Variants in PARD3B observed in about 807,000 individuals in gnomAD.
The protein encoded by PARD3B is par-3 family cell polarity regulator beta, also known as partitioning defective 3 homolog B.
Under a neutral mutation model 130.2 loss-of-function variants are expected in PARD3B, and 103 were observed. That is an observed-to-expected ratio of 0.79 (90% confidence interval 0.67 to 0.93). The LOEUF is 0.93. Ranked by LOEUF, PARD3B falls within the 40% of genes least tolerant of loss-of-function variation. The pLI, the probability that PARD3B is intolerant of heterozygous loss-of-function variation, is 0.00. For missense variants in PARD3B, 1,609 were observed against 1,499.2 expected, an observed-to-expected ratio of 1.07 and a Z score of -1.21; for synonymous variants, 583 against 553.2, an observed-to-expected ratio of 1.05 and a Z score of -0.76.
rs1400529301 is a variant in PARD3B at position 204,998,358 on chromosome 2, A to ATATATGTG, written c.394+33036_394+33037insATATGTGT. 5.9e-4 allele frequency among the ~76,000 whole-genome samples: 41 copies of ATATATGTG among 69,820 alleles called. 1 individual carries two copies. Among genetic ancestry groups the ATATATGTG allele is most frequent in the East Asian group, 6.1e-4 (2 of 3,286 alleles). The allele number at this position is 69,820 out of a possible 152,430, so 45.8% of individuals were successfully genotyped here. ...TATATATATATATATATATATATAT[A>ATATATGTG]TGTGTGTGTGTGTGTGTATATATGT... On this transcript the variant is annotated intron_variant, in intron 3 of 22. Transcript: ENST00000406610.
Position 205,047,579 on chromosome 2 carries a change from A to G in PARD3B, c.395-2A>G, listed in dbSNP as rs1377659820. 5.8e-6 allele frequency: 9 copies of G among 1,546,074 alleles called. No individual in the cohort carries two copies. The highest frequency in any genetic ancestry group is 7.9e-6 in the Non-Finnish European group (9 of 1,143,768). ...CCTCTCACCTCTCACTTTGTCTTCC[A>G]GGCACTCCACTGCTGGTGAGGAGAA... On this transcript the variant is annotated splice_acceptor_variant, in intron 3 of 22. Coordinates refer to ENST00000406610, the MANE Select transcript of PARD3B (RefSeq NM_001302769.2). LOFTEE classifies it high-confidence loss of function.
At chr2:205,384,355 G>A (rs1289368322) in intron 18 of PARD3B, among the ~76,000 whole-genome samples, 6 of 152,064 alleles carry the variant, frequency 3.9e-5, no homozygotes, top group Non-Finnish European at 8.8e-5. Context: ...AGAGAAAAAG[G>A]GGAAGCACAG....
chr2:205,527,015 A>G (rs1005163132), intron 21 of PARD3B, among the ~76,000 whole-genome samples: 1 of 152,340 alleles, frequency 6.6e-6, no homozygotes, highest in African/African-American at 2.4e-5. Flanking sequence ...GACAGTGAAG[A>G]AGTCAAATGA....
chr2:205,176,690 A>G lies in PARD3B; in HGVS notation c.1924+113A>G. 8.5e-7 allele frequency: 1 copy of G among 1,181,970 alleles called. No individual in the cohort carries two copies. Among genetic ancestry groups the G allele is most frequent in the South Asian group, 1.8e-5 (1 of 55,872 alleles). The allele number at this position is 1,181,970 out of a possible 1,614,324, so 73.2% of individuals were successfully genotyped here. A position where few individuals can be genotyped will look rare whatever the true frequency, so the allele number is the denominator to read the frequency against. On this transcript the variant is annotated intron_variant, in intron 13 of 22. Coordinates refer to ENST00000406610, the MANE Select transcript of PARD3B (RefSeq NM_001302769.2). The surrounding 1 kb of genome is among the most constrained non-coding windows in gnomAD (Gnocchi z 5.3). The stretch of plus-strand genomic sequence containing the variant: ...GGGGAGTTAATTAGACTAAGTGCAG[A>G]CTTTGTTACTCGGAGTCACAAACAC...
chr2:205,428,580 A>C (rs1036106113), intron 19 of PARD3B, among the ~76,000 whole-genome samples: 2 of 152,132 alleles, frequency 1.3e-5, no homozygotes, highest in Non-Finnish European at 2.9e-5. Flanking sequence ...TAAGGCTTCC[A>C]GTCTATTTTA....
intron 18 of PARD3B, among the ~76,000 whole-genome samples, chr2:205,361,659 CAGT>C (rs1352742393): frequency 6.6e-6 from 1 of 152,194 alleles, no homozygotes; most frequent in Non-Finnish European, 1.5e-5. Flanking sequence ...CATTCAGTGT[CAGT>C]AGGTTTTACT....
intron 2 of PARD3B, among the ~76,000 whole-genome samples, chr2:204,877,577 A>G (rs1366089465): frequency 6.6e-6 from 1 of 152,102 alleles, no homozygotes; most frequent in Non-Finnish European, 1.5e-5. Context: ...TGTATATATT[A>G]ATAATTCTTA....
intron 16 of PARD3B, among the ~76,000 whole-genome samples, chr2:205,295,889 T>G (rs957562805): frequency 6.6e-6 from 1 of 152,158 alleles, no homozygotes. Flanking sequence ...AAAGAAGAAA[T>G]GTAAGGCATT....
chr2:204,857,126 A>G (rs1405195403), intron 2 of PARD3B, among the ~76,000 whole-genome samples: 1 of 152,062 alleles, frequency 6.6e-6, no homozygotes, highest in East Asian at 1.9e-4. Flanking sequence ...AATTCATATT[A>G]TTATCTGTTT....
intron 2 of PARD3B, among the ~76,000 whole-genome samples, chr2:204,818,967 C>T (rs1227439563): frequency 6.6e-6 from 1 of 152,052 alleles, no homozygotes; most frequent in Non-Finnish European, 1.5e-5. Flanking sequence ...AAGGTATAGA[C>T]AAGCATATGG....
intron 1 of PARD3B, among the ~76,000 whole-genome samples, chr2:204,617,550 CT>C (rs1314985482): frequency 6.6e-6 from 1 of 151,312 alleles, no homozygotes; most frequent in Non-Finnish European, 1.5e-5. Flanking sequence ...ATTTTTTTTT[CT>C]TTTTTTAAAC....
chr2:205,536,485 T>G (rs189738810), intron 21 of PARD3B, among the ~76,000 whole-genome samples: 1 of 152,312 alleles, frequency 6.6e-6, no homozygotes, highest in Non-Finnish European at 1.5e-5. Flanking sequence ...GACCCTCAAA[T>G]TGAAAGTGAT....
intron 2 of PARD3B, among the ~76,000 whole-genome samples, chr2:204,763,406 A>G (rs1245449243): frequency 1.3e-5 from 2 of 152,210 alleles, no homozygotes; most frequent in Non-Finnish European, 2.9e-5. Flanking sequence ...GGTCTGATGC[A>G]TAGGCAACTT....
chr2:205,569,799 A>T (rs2053496214), intron 22 of PARD3B, among the ~76,000 whole-genome samples: 1 of 152,200 alleles, frequency 6.6e-6, no homozygotes, highest in African/African-American at 2.4e-5. Context: ...AGTCAAGATC[A>T]TCCAATTGGG....
Position 205,072,339 on chromosome 2 carries a change from C to T in PARD3B, c.504+24649C>T, listed in dbSNP as rs1700789950. 2.0e-5 allele frequency among the ~76,000 whole-genome samples: 3 copies of T among 151,824 alleles called. 1 individual carries two copies. The South Asian group carries it at 6.2e-4, about 31-fold the overall frequency. On this transcript the variant is annotated intron_variant, in intron 4 of 22. Transcript: ENST00000406610. ...CTCTTGGCTCACTGCAACTTCTGCC[C>T]CCCTGGGTTCAAGCGATTCTCCTGC...
At position 204,793,577 on chromosome 2, in the gene PARD3B, G is replaced by A. The variant is rs1460147718; in HGVS notation, c.222+107295G>A. Among the ~76,000 whole-genome samples, 8 of 151,832 alleles carry A rather than the reference G, an allele frequency of 5.3e-5. No individual in the cohort carries two copies. In the South Asian group the frequency reaches 1.3e-3, roughly 24 times the overall value. On this transcript the variant is annotated intron_variant, in intron 2 of 22. Coordinates refer to ENST00000406610, the MANE Select transcript of PARD3B (RefSeq NM_001302769.2). ...GGCTGGAGTGCAATGGCGTGACCTCGGATCACTGCAACTTCTGCCTCCCAG... is the reference window on the plus strand; with the variant it reads ...GGCTGGAGTGCAATGGCGTGACCTCAGATCACTGCAACTTCTGCCTCCCAG...
intron 2 of PARD3B, among the ~76,000 whole-genome samples, chr2:204,910,814 T>C (rs1370240634): frequency 6.6e-6 from 1 of 152,098 alleles, no homozygotes; most frequent in African/African-American, 2.4e-5. Context: ...GCTAATTTTT[T>C]GTATTTTTCA....
intron 2 of PARD3B, among the ~76,000 whole-genome samples, chr2:204,876,086 A>G (rs2045830962): frequency 1.3e-5 from 2 of 152,180 alleles, no homozygotes; most frequent in Admixed American, 1.3e-4. Context: ...GTTGTAAGCT[A>G]TTGGCCTGAG....
rs2036610968 is a variant in PARD3B at position 204,677,538 on chromosome 2, A to T, written c.121-8643A>T. Among the ~76,000 whole-genome samples, 2 of 152,224 alleles carry T rather than the reference A, an allele frequency of 1.3e-5. No individual in the cohort carries two copies. The highest frequency in any genetic ancestry group is 4.8e-5 in the African/African-American group (2 of 41,456). The stretch of plus-strand genomic sequence containing the variant: ...TTCCATCTCCTTAACCTTTGTGGTT[A>T]CTGTCACATGGGTCATCTCCAGTTA... On this transcript the variant is annotated intron_variant, in intron 1 of 22. Transcript: ENST00000406610. This position sits in a 1 kb window ranked among gnomAD's most constrained non-coding sequence, Gnocchi z 4.1.
Sources: allele counts gnomAD v4.1 joint callset (sites outside exome capture counted in the v4.1 genomes callset), GRCh38; gene constraint gnomAD v4.1.1; non-coding constraint Gnocchi (gnomAD v3.1); transcripts MANE v1.5; gene names NCBI Gene and HGNC (gene_info 2026-07-23, HGNC 2026-07-21).